Variants in LLGL2 observed in about 807,000 individuals in gnomAD.
LLGL2 encodes LLGL2, scribble cell polarity complex component.
In LLGL2, 81 loss-of-function variants were observed where a neutral mutation model predicts 123.2. That is an observed-to-expected ratio of 0.66 (90% CI 0.55 to 0.79). The LOEUF is 0.79. Among genes scored for constraint, LLGL2 ranks in the 30% least tolerant of loss-of-function variants. The probability of loss-of-function intolerance (pLI) is 0.00; values close to 1 mark genes in which losing one functional copy is unlikely to be tolerated. For missense variants in LLGL2, 1,273 were observed against 1,414.6 expected (o/e 0.90, Z 1.61); for synonymous variants, 577 against 594.1 (o/e 0.97, Z 0.42).
chr17:75,564,684 G>A lies in LLGL2; in HGVS notation c.1036+177G>A. On this transcript the variant is annotated intron_variant, in intron 10 of 25. Transcript: ENST00000392550. This position sits in a 1 kb window ranked among gnomAD's most constrained non-coding sequence, Gnocchi z 4.9. The stretch of plus-strand genomic sequence containing the variant: ...TCAAGTCCAGCCTGGACAACGTAGG[G>A]AGACCCTTGTCTCTACAAAAAATAA... 3 of 1,049,594 alleles carry A rather than the reference G, an allele frequency of 2.9e-6. No homozygotes were observed. Among genetic ancestry groups the A allele is most frequent in the Middle Eastern group, 2.3e-4 (1 of 4,268 alleles). 65.0% of individuals were successfully genotyped at this position (1,049,594 alleles called of 1,614,324 possible).
At chr17:75,568,721 G>GCCCCAC in intron 11 of LLGL2, 28 bp downstream of exon 11, 1 of 1,613,172 alleles carries the variant, frequency 6.2e-7, no homozygotes, top group South Asian at 1.1e-5. Context: ...CCCAGCCCCA[G>GCCCCAC]CCCCACCGCA....
intron 2 of LLGL2, among the ~76,000 whole-genome samples, chr17:75,551,089 G>A (rs1423299627): frequency 6.6e-6 from 1 of 152,168 alleles, no homozygotes; most frequent in Non-Finnish European, 1.5e-5. Flanking sequence ...TGGGAGACAG[G>A]TCATTTACAC....
chr17:75,573,137 C>T lies in LLGL2; in HGVS notation c.2584C>T (p.His862Tyr). ...GSRRAEDYGE[H>Y]HLAVLTNLGD... ...TCGTCGAGCCGAGGACTACGGGGAGCACCACCTGGCAGTCCTTACCAACCT... is the reference window on the plus strand; with the variant it reads ...TCGTCGAGCCGAGGACTACGGGGAGTACCACCTGGCAGTCCTTACCAACCT... The change falls in exon 20 of 26, where the codon CAC (histidine) becomes TAC (tyrosine). Residue 862 changes from histidine (H) to tyrosine (Y), a missense_variant. By Grantham distance (83) the His-to-Tyr change is moderately conservative. Transcript: ENST00000392550. 6.2e-7 allele frequency: 1 copy of T among 1,613,066 alleles called. No individual in the cohort carries two copies. The highest frequency in any genetic ancestry group is 1.1e-5 in the South Asian group (1 of 91,082).
intron 2 of LLGL2, among the ~76,000 whole-genome samples, chr17:75,547,129 C>T (rs1370327452): frequency 1.3e-5 from 2 of 152,224 alleles, no homozygotes; most frequent in African/African-American, 4.8e-5. Context: ...CTCCTTTATA[C>T]CCACACCAAG....
chr17:75,574,664 C>T lies in LLGL2; in HGVS notation c.3051C>T (p.Gly1017=), dbSNP rs1274178415. ...RAAVGCSLSN[G]GAE ...CCGTGGGGTGCAGCCTCAGCAATGG[C>T]GGAGGTGGGGGCTCTGGGCTTGAGT... The change falls in exon 25 of 26, where the codon GGC becomes GGT. Residue 1017 remains glycine, a synonymous_variant. Coordinates refer to ENST00000392550, the MANE Select transcript of LLGL2 (RefSeq NM_001031803.2). The T allele has an allele frequency of 7.4e-6, 12 of 1,611,052 alleles. No individual in the cohort carries two copies. The highest frequency in any genetic ancestry group is 1.7e-4 in the Middle Eastern group (1 of 5,970).
At chr17:75,532,316 TC>T (rs2053829437) in intron 1 of LLGL2, among the ~76,000 whole-genome samples, 1 of 152,058 alleles carries the variant, frequency 6.6e-6, no homozygotes, top group Non-Finnish European at 1.5e-5. Context: ...AGTGGCGCGA[TC>T]TCAGCCCACT....
chr17:75,560,801 T>TAA (rs2055170683), intron 6 of LLGL2, among the ~76,000 whole-genome samples: 1 of 47,226 alleles, frequency 2.1e-5, no homozygotes, highest in Non-Finnish European at 4.7e-5. Context: ...TGTTTATTTA[T>TAA]TAAAAAAAAA....
intron 19 of LLGL2, 81 bp downstream of exon 19, chr17:75,572,145 T>C: frequency 7.3e-7 from 1 of 1,369,134 alleles, no homozygotes; most frequent in Non-Finnish European, 1.0e-6. Context: ...AAATGATGGC[T>C]GGGACTCAGT....
chr17:75,543,104 C>G (rs151025037), intron 1 of LLGL2: 16 of 219,494 alleles, frequency 7.3e-5, no homozygotes, highest in Non-Finnish European at 1.4e-4. Context: ...CCTCAGGGCC[C>G]GCCGGCCCTC....
chr17:75,553,202 G>C (rs924132731), intron 2 of LLGL2, among the ~76,000 whole-genome samples: 4 of 152,234 alleles, frequency 2.6e-5, no homozygotes, highest in African/African-American at 9.6e-5. Context: ...AGCTGAACAG[G>C]GACCTGGGCT....
In LLGL2 at chr17:75,574,640, C is replaced by T. The variant is rs199860735; in HGVS notation, c.3027C>T (p.Ala1009=). 234 of 1,612,236 alleles carry T rather than the reference C, an allele frequency of 1.5e-4. No homozygotes were observed. The highest frequency in any genetic ancestry group is 7.5e-4 in the Admixed American group (45 of 59,898). ...GSGNWRSHRA[A]VGCSLSNGGA... ...GCAACTGGCGTTCACATCGAGCCGC[C>T]GTGGGGTGCAGCCTCAGCAATGGCG... The change falls in exon 25 of 26, where the codon GCC becomes GCT. Residue 1009 remains alanine, a synonymous_variant. Coordinates refer to ENST00000392550, the MANE Select transcript of LLGL2 (RefSeq NM_001031803.2).
In LLGL2 at chr17:75,574,815, C is replaced by T. The variant is rs373833716; in HGVS notation, c.3056-56C>T. The T allele has an allele frequency of 7.5e-6, 12 of 1,609,108 alleles. No homozygotes were observed. In the African/African-American group the frequency reaches 1.6e-4, roughly 22 times the overall value. Reference sequence around the variant, plus strand: ...CCATGTCTGGGCTCAGCGTGGGCGGCTGGGGCACCCCGTCCTGCCCAGGGT... The same window carrying T: ...CCATGTCTGGGCTCAGCGTGGGCGGTTGGGGCACCCCGTCCTGCCCAGGGT... On this transcript the variant is annotated intron_variant, in intron 25 of 25. Coordinates refer to ENST00000392550, the MANE Select transcript of LLGL2 (RefSeq NM_001031803.2).
At chr17:75,554,396 G>C (rs2054812472) in intron 2 of LLGL2, among the ~76,000 whole-genome samples, 1 of 151,514 alleles carries the variant, frequency 6.6e-6, no homozygotes, top group Non-Finnish European at 1.5e-5. Context: ...AGGATCGCTT[G>C]AGTCTAGAAG....
Position 75,558,080 on chromosome 17 carries a change from C to A in LLGL2, c.174-75C>A, listed in dbSNP as rs2054998230. ...CTGTGTTTGCATCATTGCACATGGG[C>A]CCCGAGGGCCTGGCACTCAAGGCAG... On this transcript the variant is annotated intron_variant, in intron 3 of 25. Coordinates refer to ENST00000392550, the MANE Select transcript of LLGL2 (RefSeq NM_001031803.2). This position sits in a 1 kb window ranked among gnomAD's most constrained non-coding sequence, Gnocchi z 4.0. 2.2e-6 allele frequency: 3 copies of A among 1,379,968 alleles called. No homozygotes were observed. The highest frequency in any genetic ancestry group is 2.3e-5 in the East Asian group (1 of 43,708). The allele number at this position is 1,379,968 out of a possible 1,614,324, so 85.5% of individuals were successfully genotyped here.
intron 10 of LLGL2, 127 bp from the exon 11 acceptor site, chr17:75,568,349 T>C: frequency 6.9e-7 from 1 of 1,449,792 alleles, no homozygotes; most frequent in Non-Finnish European, 9.0e-7. Flanking sequence ...AAGGCTTTGC[T>C]CAAGCAGCCA....
At chr17:75,536,453 C>G (rs936040589) in intron 1 of LLGL2, among the ~76,000 whole-genome samples, 3 of 152,316 alleles carry the variant, frequency 2.0e-5, no homozygotes, top group Admixed American at 1.3e-4. Context: ...ACAGCTAGTC[C>G]CACCTGCCTG....
intron 6 of LLGL2, among the ~76,000 whole-genome samples, chr17:75,561,647 G>A (rs1661727): frequency 0.3 from 44,877 of 151,876 alleles, 6,936 homozygotes; most frequent in African/African-American, 0.38. Context: ...TAGGCCGGGC[G>A]CGGTGGCTCA....
At chr17:75,536,586 A>AG (rs2054011446) in intron 1 of LLGL2, among the ~76,000 whole-genome samples, 1 of 152,170 alleles carries the variant, frequency 6.6e-6, no homozygotes, top group Non-Finnish European at 1.5e-5. Flanking sequence ...CCAGCAGGAC[A>AG]GGGCTGGACC....
Position 75,559,404 on chromosome 17 carries a change from T to C in LLGL2, c.524T>C (p.Leu175Pro), listed in dbSNP as rs773360042. ...CGGACCATCAGCTCGGACGCGGTGC[T>C]GCAGCGGTGAGCCCAGAGCCCAGCT... ...EDRTISSDAV[L>P]QRLPEEARHR... Residue 175 changes from leucine to proline, a missense_variant, in exon 6 of 26, where the codon CTG becomes CCG. Physicochemically the swap from Leu to Pro is moderately conservative, Grantham distance 98. Transcript: ENST00000392550. The surrounding 1 kb of genome is among the most constrained non-coding windows in gnomAD (Gnocchi z 4.6). 2 of 1,606,634 alleles carry C rather than the reference T, an allele frequency of 1.2e-6. No individual in the cohort carries two copies. The highest frequency in any genetic ancestry group is 1.7e-5 in the Admixed American group (1 of 58,854).
Sources: allele counts gnomAD v4.1 joint callset (sites outside exome capture counted in the v4.1 genomes callset), GRCh38; gene constraint gnomAD v4.1.1; non-coding constraint Gnocchi (gnomAD v3.1); transcripts MANE v1.5; gene names NCBI Gene and HGNC (gene_info 2026-07-23, HGNC 2026-07-21).